Variants in SLC35F1 observed in about 807,000 individuals in gnomAD.
SLC35F1 encodes the protein solute carrier family 35 member F1.
SLC35F1 carries 14 observed loss-of-function variants against 48.7 expected under a neutral mutation model. The observed-to-expected ratio is 0.29, with a 90% confidence interval of 0.19 to 0.45. The LOEUF is 0.45. Among genes scored for constraint, SLC35F1 ranks in the 20% least tolerant of loss-of-function variants. The pLI is 1.00. For synonymous variants in SLC35F1, 190 were observed against 202.2 expected (o/e 0.94, Z 0.51); for missense variants, 404 against 500.0 (o/e 0.81, Z 1.83).
chr6:118,234,495 C>T (rs1299932403), intron 2 of SLC35F1, among the ~76,000 whole-genome samples: 1 of 152,138 alleles, frequency 6.6e-6, no homozygotes, highest in African/African-American at 2.4e-5. Flanking sequence ...GCAGGTCCCT[C>T]CCCAGTCATT....
chr6:118,051,265 A>G (rs1284797710), intron 1 of SLC35F1, among the ~76,000 whole-genome samples: 1 of 152,122 alleles, frequency 6.6e-6, no homozygotes, highest in Admixed American at 6.6e-5. Flanking sequence ...TAATTTTCCA[A>G]AAAAGAAGCT....
intron 2 of SLC35F1, among the ~76,000 whole-genome samples, chr6:118,182,919 C>T (rs205942): frequency 0.75 from 113,557 of 152,016 alleles, 43,090 homozygotes; most frequent in African/African-American, 0.88. Flanking sequence ...CCAAATTTAA[C>T]CCTTAAAGAC....
chr6:118,077,193 A>G (rs1772834632), intron 1 of SLC35F1, among the ~76,000 whole-genome samples: 1 of 152,210 alleles, frequency 6.6e-6, no homozygotes, highest in Admixed American at 6.5e-5. Context: ...CCAGGTGCAA[A>G]GTGCAGTGTG....
intron 1 of SLC35F1, among the ~76,000 whole-genome samples, chr6:117,958,625 G>C (rs1400953076): frequency 6.6e-6 from 1 of 152,178 alleles, no homozygotes; most frequent in Non-Finnish European, 1.5e-5. Context: ...AAAGTAACAT[G>C]CTGTACAGGT....
intron 2 of SLC35F1, among the ~76,000 whole-genome samples, chr6:118,231,799 G>A (rs1444724503): frequency 2.6e-5 from 4 of 152,146 alleles, no homozygotes; most frequent in African/African-American, 4.8e-5. Flanking sequence ...AGATGTGGCT[G>A]GTGCGCTCTG....
intron 1 of SLC35F1, among the ~76,000 whole-genome samples, chr6:118,097,089 T>A (rs1773187765): frequency 2.0e-5 from 3 of 152,284 alleles, no homozygotes; most frequent in Admixed American, 6.5e-5. Flanking sequence ...GCTCAAGTGA[T>A]CTTTCTAAAA....
At chr6:118,192,190 A>T (rs1464449944) in intron 2 of SLC35F1, among the ~76,000 whole-genome samples, 2 of 152,204 alleles carry the variant, frequency 1.3e-5, no homozygotes, top group African/African-American at 4.8e-5. Flanking sequence ...TTCAAATTGT[A>T]TAGCTAAGCA....
chr6:118,008,928 T>A (rs1777209454), intron 1 of SLC35F1, among the ~76,000 whole-genome samples: 1 of 152,192 alleles, frequency 6.6e-6, no homozygotes, highest in Admixed American at 6.5e-5. Flanking sequence ...AAGACCTATA[T>A]GAAGGATTTC....
chr6:118,268,616 T>A (rs1450206458), intron 4 of SLC35F1, among the ~76,000 whole-genome samples: 3 of 120,910 alleles, frequency 2.5e-5, no homozygotes, highest in African/African-American at 9.1e-5. Context: ...TTTTTTTTTT[T>A]TTTTTTTTTT....
chr6:118,268,602 T>TA (rs61026674), intron 4 of SLC35F1, among the ~76,000 whole-genome samples: 814 of 46,494 alleles, frequency 0.018, 2 homozygotes, highest in African/African-American at 0.1. Flanking sequence ...ATATATATAT[T>TA]TTTTTTTTTT....
intron 3 of SLC35F1, among the ~76,000 whole-genome samples, chr6:118,244,610 A>G (rs868861022): frequency 6.6e-6 from 1 of 152,240 alleles, no homozygotes. Context: ...ATTGGAAAAC[A>G]TGTATTTGAT....
At chr6:118,081,644 A>T (rs1439787298) in intron 1 of SLC35F1, among the ~76,000 whole-genome samples, 1 of 152,166 alleles carries the variant, frequency 6.6e-6, no homozygotes, top group Admixed American at 6.5e-5. Flanking sequence ...TCAAACAAAC[A>T]AACAAACAAA....
At chr6:118,153,424 T>A (rs887316954) in intron 1 of SLC35F1, among the ~76,000 whole-genome samples, 1 of 152,220 alleles carries the variant, frequency 6.6e-6, no homozygotes, top group East Asian at 1.9e-4. Flanking sequence ...TGTACCATTA[T>A]TATGTGTCAA....
intron 1 of SLC35F1, among the ~76,000 whole-genome samples, chr6:118,038,305 A>T (rs1772163598): frequency 6.6e-6 from 1 of 151,736 alleles, no homozygotes; most frequent in South Asian, 2.1e-4. Context: ...TCAGTCATAG[A>T]TTTTTTTCTC....
intron 1 of SLC35F1, among the ~76,000 whole-genome samples, chr6:118,035,824 G>A (rs959789695): frequency 2.2e-5 from 2 of 89,724 alleles, no homozygotes; most frequent in African/African-American, 9.1e-5. Flanking sequence ...ACATAGCTGG[G>A]ACTACAGGCG....
At chr6:118,033,593 A>G (rs1325596727) in intron 1 of SLC35F1, among the ~76,000 whole-genome samples, 1 of 145,230 alleles carries the variant, frequency 6.9e-6, no homozygotes, top group African/African-American at 2.6e-5. Flanking sequence ...ATATGTTTGC[A>G]TTTGTATACA....
intron 1 of SLC35F1, among the ~76,000 whole-genome samples, chr6:117,923,842 A>ATATACACAT (rs1775978255): frequency 1.1e-5 from 1 of 94,968 alleles, no homozygotes; most frequent in African/African-American, 5.3e-5. Context: ...TACACATTAC[A>ATATACACAT]TATATGCACA....
At chr6:118,162,362 C>T (rs768738519) in intron 2 of SLC35F1, among the ~76,000 whole-genome samples, 14 of 151,946 alleles carry the variant, frequency 9.2e-5, no homozygotes, top group Admixed American at 4.6e-4. Context: ...GTTTCCAGAG[C>T]GTGGGGTAGT....
chr6:118,001,500 G>T (rs968341552), intron 1 of SLC35F1, among the ~76,000 whole-genome samples: 1 of 152,136 alleles, frequency 6.6e-6, no homozygotes, highest in Non-Finnish European at 1.5e-5. Flanking sequence ...AAAAATCCTA[G>T]AAGAAAACCC....
Sources: allele counts gnomAD v4.1 joint callset (sites outside exome capture counted in the v4.1 genomes callset), GRCh38; gene constraint gnomAD v4.1.1; transcripts MANE v1.5; gene names NCBI Gene and HGNC (gene_info 2026-07-23, HGNC 2026-07-21).